SCN8A: variants seen among roughly 807,000 people sequenced by gnomAD.
SCN8A encodes sodium channel protein type 8 subunit alpha.
SCN8A carries 30 observed loss-of-function variants against 184.1 expected under a neutral mutation model. The observed-to-expected ratio is 0.16, with a 90% CI of 0.12 to 0.22. The LOEUF (loss-of-function observed/expected upper bound fraction) is 0.22. SCN8A is among the 10% of genes least tolerant of loss of function. The probability of loss-of-function intolerance (pLI) is 1.00; values close to 1 mark genes in which losing one functional copy is unlikely to be tolerated. For missense variants in SCN8A, 1,057 were observed against 2,498.9 expected, an observed-to-expected ratio of 0.42 and a Z score of 12.30; for synonymous variants, 852 against 907.0, an observed-to-expected ratio of 0.94 and a Z score of 1.09.
intron 26 of SCN8A, among the ~76,000 whole-genome samples, chr12:51,804,785 T>C (rs1938651864): frequency 6.6e-6 from 1 of 152,210 alleles, no homozygotes; most frequent in African/African-American, 2.4e-5. Flanking sequence ...TGATACTGGT[T>C]TCTGATTCAC....
intron 3 of SCN8A, among the ~76,000 whole-genome samples, chr12:51,685,240 C>T (rs1036341395): frequency 1.6e-4 from 24 of 151,956 alleles, no homozygotes; most frequent in African/African-American, 5.6e-4. Context: ...TGTTTTTTCT[C>T]TTCTGGTTCC....
intron 1 of SCN8A, among the ~76,000 whole-genome samples, chr12:51,633,345 T>C (rs1940241564): frequency 6.6e-6 from 1 of 152,260 alleles, no homozygotes; most frequent in Non-Finnish European, 1.5e-5. Context: ...AGCATCTTCA[T>C]GGTTCTGTGT....
intron 2 of SCN8A, among the ~76,000 whole-genome samples, chr12:51,681,079 A>C (rs1234725010): frequency 6.6e-6 from 1 of 152,168 alleles, no homozygotes; most frequent in East Asian, 1.9e-4. Context: ...TTTGTAGGTG[A>C]TATTGTAAAG....
chr12:51,699,281 G>A (rs961155003), intron 6 of SCN8A, among the ~76,000 whole-genome samples: 2 of 152,176 alleles, frequency 1.3e-5, no homozygotes, highest in Non-Finnish European at 2.9e-5. Flanking sequence ...CTCATATGGG[G>A]AACCAAAAAG....
chr12:51,803,814 C>G (rs534914044), intron 26 of SCN8A, among the ~76,000 whole-genome samples: 10 of 152,276 alleles, frequency 6.6e-5, no homozygotes, highest in Admixed American at 4.6e-4. Flanking sequence ...TTCTTGAAGG[C>G]TCAAATATCC....
At chr12:51,630,334 A>G (rs1940171931) in intron 1 of SCN8A, among the ~76,000 whole-genome samples, 1 of 152,034 alleles carries the variant, frequency 6.6e-6, no homozygotes, top group Non-Finnish European at 1.5e-5. Context: ...CGACCACTCT[A>G]GGGATCTCAT....
At position 51,769,076 on chromosome 12, in the gene SCN8A, A is replaced by G. The variant is rs1942882271; in HGVS notation, c.3113A>G (p.Tyr1038Cys). Residue 1038 changes from tyrosine (Y) to cysteine (C), a missense_variant, in exon 17 of 27, where the codon TAT becomes TGT. Physicochemically the swap from Tyr to Cys is radical, Grantham distance 194. Coordinates refer to ENST00000627620, the MANE Select transcript of SCN8A (RefSeq NM_001330260.2). ...ADEVKPLDEL[Y>C]EKKANCIANH... ...GAGGTGAAGCCTCTGGATGAGTTGT[A>G]TGAAAAGAAGGCCAACTGTATCGCC... 1 of 1,613,980 alleles carries G rather than the reference A, an allele frequency of 6.2e-7. No individual in the cohort carries two copies. The highest frequency in any genetic ancestry group is 8.5e-7 in the Non-Finnish European group (1 of 1,179,866).
At chr12:51,659,395 A>G (rs1412797140) in intron 1 of SCN8A, among the ~76,000 whole-genome samples, 1 of 152,236 alleles carries the variant, frequency 6.6e-6, no homozygotes, top group African/African-American at 2.4e-5. Flanking sequence ...ACACAGGCAC[A>G]TACATATGTA....
chr12:51,663,505 C>T (rs1197081078), intron 2 of SCN8A, among the ~76,000 whole-genome samples: 1 of 152,160 alleles, frequency 6.6e-6, no homozygotes, highest in Non-Finnish European at 1.5e-5. Context: ...TGTATTTGCT[C>T]TCTTGTCTAG....
chr12:51,789,629 C>T (rs769996076), intron 24 of SCN8A, among the ~76,000 whole-genome samples: 24 of 152,336 alleles, frequency 1.6e-4, no homozygotes, highest in Middle Eastern at 6.8e-3. Context: ...CACTTACTAG[C>T]AGTCTTTTAT....
chr12:51,805,129 T>G (rs1199202862), intron 26 of SCN8A, among the ~76,000 whole-genome samples: 3 of 151,894 alleles, frequency 2.0e-5, no homozygotes, highest in East Asian at 3.9e-4. Flanking sequence ...CATTCTTGAG[T>G]AGAAAAACAA....
At chr12:51,686,062 G>A (rs1043193574) in intron 3 of SCN8A, among the ~76,000 whole-genome samples, 6 of 152,196 alleles carry the variant, frequency 3.9e-5, no homozygotes, top group Non-Finnish European at 8.8e-5. Context: ...ACATTTAGAG[G>A]CTTAGTCTGT....
At chr12:51,696,392 A>C (rs891166265) in intron 6 of SCN8A, among the ~76,000 whole-genome samples, 2 of 152,300 alleles carry the variant, frequency 1.3e-5, no homozygotes, top group South Asian at 4.1e-4. Flanking sequence ...GTCAAAATAT[A>C]ATGAGGACTT....
chr12:51,795,880 G>GA (rs59764704), intron 26 of SCN8A, among the ~76,000 whole-genome samples: 11,547 of 124,076 alleles, frequency 0.093, 785 homozygotes, highest in East Asian at 0.36. Flanking sequence ...CTCTATCTCT[G>GA]AAAAAAAAAA....
chr12:51,722,881 G>C (rs1565900474), intron 12 of SCN8A: 1 of 152,142 alleles, frequency 6.6e-6, no homozygotes, highest in Non-Finnish European at 1.5e-5. Flanking sequence ...TAAGCTGTTT[G>C]TATCTTTTTT....
chr12:51,623,699 G>C (rs560406920), intron 1 of SCN8A, among the ~76,000 whole-genome samples: 1 of 152,016 alleles, frequency 6.6e-6, no homozygotes, highest in Non-Finnish European at 1.5e-5. Context: ...GTGCCATGTT[G>C]GTGTGCTGCA....
chr12:51,633,546 C>CTT (rs1035288337), intron 1 of SCN8A, among the ~76,000 whole-genome samples: 2 of 152,152 alleles, frequency 1.3e-5, no homozygotes, highest in African/African-American at 4.8e-5. Flanking sequence ...TCTTTCTCTC[C>CTT]TTGGTGCTCT....
At chr12:51,788,287 C>CTTTTTTTTTTTTTTTTT (rs66672221) in intron 22 of SCN8A, among the ~76,000 whole-genome samples, 18 of 84,004 alleles carry the variant, frequency 2.1e-4, no homozygotes, top group African/African-American at 8.0e-4. Context: ...CGCTTAACAC[C>CTTTTTTTTTTTTTTTTT]TTTTTTTTTT....
At chr12:51,802,387 G>C (rs921061659) in intron 26 of SCN8A, among the ~76,000 whole-genome samples, 1 of 148,168 alleles carries the variant, frequency 6.7e-6, no homozygotes, top group Non-Finnish European at 1.5e-5. Context: ...AGTGTCCCCA[G>C]CTTCATCAGG....
Sources: gnomAD v4.1 joint callset for allele counts (sites outside exome capture counted in the v4.1 genomes callset) on GRCh38, gnomAD v4.1.1 for gene constraint, MANE v1.5 for transcripts, NCBI Gene and HGNC (gene_info 2026-07-23, HGNC 2026-07-21) for gene names.